SYNPO2: variants seen among roughly 807,000 people sequenced by gnomAD.
SYNPO2 encodes the protein synaptopodin-2.
A neutral mutation model predicts 85.0 loss-of-function variants in SYNPO2; 56 were observed. The observed-to-expected ratio is 0.66, with a 90% CI of 0.53 to 0.82. The LOEUF is 0.82. SYNPO2 is among the 40% of genes least tolerant of loss of function. The pLI is 0.00. For missense variants in SYNPO2, 1,575 were observed against 1,534.2 expected (o/e 1.03, Z -0.44); for synonymous variants, 602 against 591.1 (o/e 1.02, Z -0.27).
At chr4:119,014,112 A>C (rs771667013) in intron 1 of SYNPO2, among the ~76,000 whole-genome samples, 1 of 152,212 alleles carries the variant, frequency 6.6e-6, no homozygotes, top group Admixed American at 6.5e-5. Flanking sequence ...GCTGTCTTCT[A>C]TTGAGCTCAG....
intron 1 of SYNPO2, among the ~76,000 whole-genome samples, chr4:118,966,144 C>T (rs1735309121): frequency 6.6e-6 from 1 of 152,150 alleles, no homozygotes. Flanking sequence ...CAGGATTAAT[C>T]TAGGTGGATC....
chr4:118,971,538 A>G (rs752538222), intron 1 of SYNPO2, among the ~76,000 whole-genome samples: 11 of 152,246 alleles, frequency 7.2e-5, no homozygotes, highest in Non-Finnish European at 1.3e-4. Context: ...AATGTTTATT[A>G]CATTAAAGCC....
At chr4:118,913,584 T>TGTGTGGTG (rs1733211690) in intron 1 of SYNPO2, among the ~76,000 whole-genome samples, 1 of 151,916 alleles carries the variant, frequency 6.6e-6, no homozygotes, top group African/African-American at 2.4e-5. Flanking sequence ...TGTGTGTGTG[T>TGTGTGGTG]GTGTGTGTGT....
upstream of SYNPO2, among the ~76,000 whole-genome samples, chr4:118,884,337 C>G (rs1476559940): frequency 6.6e-6 from 1 of 152,230 alleles, no homozygotes; most frequent in Non-Finnish European, 1.5e-5. Context: ...CATTGGCTTT[C>G]TCCATTGGCT....
At chr4:119,042,109 C>T (rs1375947897) in intron 4 of SYNPO2, 4 of 152,194 alleles carry the variant, frequency 2.6e-5, no homozygotes, top group African/African-American at 4.8e-5. Flanking sequence ...GGCGCTGAAG[C>T]ACTCATCTTG....
intron 1 of SYNPO2, among the ~76,000 whole-genome samples, chr4:118,855,746 G>A (rs991698996): frequency 3.9e-5 from 6 of 152,142 alleles, no homozygotes; most frequent in Admixed American, 3.9e-4. Context: ...AGGTGAAGAT[G>A]TCATAACAAT....
At chr4:118,911,787 T>G (rs990824859) in intron 1 of SYNPO2, among the ~76,000 whole-genome samples, 7 of 152,196 alleles carry the variant, frequency 4.6e-5, no homozygotes, top group African/African-American at 1.7e-4. Flanking sequence ...AAAAATTATT[T>G]TGTTTACAAA....
intron 1 of SYNPO2, among the ~76,000 whole-genome samples, chr4:118,943,649 G>C (rs1356480560): frequency 1.3e-5 from 2 of 152,162 alleles, no homozygotes; most frequent in Non-Finnish European, 2.9e-5. Flanking sequence ...ATTGCCCTCT[G>C]AGGCAGGAAT....
At chr4:118,930,365 A>T (rs1354745822) in intron 1 of SYNPO2, among the ~76,000 whole-genome samples, 1 of 152,150 alleles carries the variant, frequency 6.6e-6, no homozygotes, top group Non-Finnish European at 1.5e-5. Flanking sequence ...CATCTCCTTC[A>T]TTGCTTCCTT....
chr4:119,012,393 T>TTTTTTTTTTTTTTTTA (rs1553946399), intron 1 of SYNPO2, among the ~76,000 whole-genome samples: 86 of 130,776 alleles, frequency 6.6e-4, no homozygotes, highest in East Asian at 1.3e-3. Context: ...TTTTTTTTTT[T>TTTTTTTTTTTTTTTTA]ATTTTACTTT....
intron 1 of SYNPO2, among the ~76,000 whole-genome samples, chr4:118,958,734 T>G (rs548577874): frequency 6.6e-6 from 1 of 152,302 alleles, no homozygotes. Flanking sequence ...AACAGACTGC[T>G]TTGGTCGTCA....
intron 3 of SYNPO2, 31 bp downstream of exon 3, chr4:119,027,469 T>C: frequency 6.6e-7 from 1 of 1,515,524 alleles, no homozygotes. Flanking sequence ...CAGAAGGGGC[T>C]TGGGAGTTGG....
At chr4:119,034,715 C>T (rs574416620) in intron 4 of SYNPO2, 2 of 985,516 alleles carry the variant, frequency 2.0e-6, no homozygotes, top group Admixed American at 6.1e-5. Flanking sequence ...GAAGGACTAA[C>T]CAGCTCCCTG....
At chr4:118,988,025 T>C (rs1736281215) in intron 1 of SYNPO2, among the ~76,000 whole-genome samples, 1 of 152,168 alleles carries the variant, frequency 6.6e-6, no homozygotes. Flanking sequence ...GAGCTATTGG[T>C]TGGGAGAATT....
chr4:118,981,086 C>T (rs1735989649), intron 1 of SYNPO2, among the ~76,000 whole-genome samples: 1 of 152,204 alleles, frequency 6.6e-6, no homozygotes, highest in South Asian at 2.1e-4. Context: ...TATCTCTGTG[C>T]CCAAGAGCAG....
intron 1 of SYNPO2, among the ~76,000 whole-genome samples, chr4:118,933,120 T>C (rs1043924242): frequency 5.3e-5 from 8 of 152,210 alleles, no homozygotes; most frequent in African/African-American, 1.9e-4. Flanking sequence ...TCTTAAATTA[T>C]TTGAATTCAG....
At chr4:119,053,057 C>A (rs888262446) in intron 4 of SYNPO2, among the ~76,000 whole-genome samples, 2 of 152,160 alleles carry the variant, frequency 1.3e-5, no homozygotes, top group African/African-American at 4.8e-5. Context: ...AGGATTCCAG[C>A]GTCAGACATT....
intron 1 of SYNPO2, among the ~76,000 whole-genome samples, chr4:118,982,157 G>T (rs1202192060): frequency 6.6e-6 from 1 of 152,104 alleles, no homozygotes; most frequent in East Asian, 1.9e-4. Context: ...TTTAAATGTG[G>T]TTGCAAAGTT....
chr4:118,878,859 C>T (rs1056936635), intron 1 of SYNPO2, among the ~76,000 whole-genome samples: 2 of 152,230 alleles, frequency 1.3e-5, no homozygotes. Flanking sequence ...CAGAGGCACC[C>T]ACTCAGGTCC....
Sources: gnomAD v4.1 joint callset for allele counts (sites outside exome capture counted in the v4.1 genomes callset) on GRCh38, gnomAD v4.1.1 for gene constraint, MANE v1.5 for transcripts, NCBI Gene and HGNC (gene_info 2026-07-23, HGNC 2026-07-21) for gene names.